PRIM2: variants seen among roughly 807,000 people sequenced by gnomAD.
PRIM2 encodes DNA primase subunit 2.
In PRIM2, 39 loss-of-function variants were observed where a neutral mutation model predicts 67.3. That is an observed-to-expected ratio of 0.58 (90% CI 0.45 to 0.76). The LOEUF (loss-of-function observed/expected upper bound fraction) is 0.76. PRIM2 is among the 30% of genes least tolerant of loss of function. The pLI, the probability that PRIM2 is intolerant of heterozygous loss-of-function variation, is 0.00. For missense variants in PRIM2, 398 were observed against 598.7 expected (o/e 0.66, Z 3.50); for synonymous variants, 143 against 198.7 (o/e 0.72, Z 2.36).
chr6:57,304,653 C>T, the PRIM2 span, among the ~76,000 whole-genome samples: 1 of 152,056 alleles, frequency 6.6e-6, no homozygotes, highest in Non-Finnish European at 1.5e-5. Context: ...GGGAAAGGAC[C>T]CCTTCCCTCT....
chr6:57,337,230 A>G (rs1380686824), intron 5 of PRIM2, among the ~76,000 whole-genome samples: 1 of 151,900 alleles, frequency 6.6e-6, no homozygotes, highest in Non-Finnish European at 1.5e-5. Flanking sequence ...GTGACCTACA[A>G]AGAGACTTAG....
intron 10 of PRIM2, among the ~76,000 whole-genome samples, chr6:57,582,313 C>T (rs1776102616): frequency 6.6e-6 from 1 of 152,134 alleles, no homozygotes; most frequent in African/African-American, 2.4e-5. Context: ...GTTTAATAAG[C>T]AATGGCGTGT....
At chr6:57,365,815 TG>T (rs2127317944) in intron 5 of PRIM2, among the ~76,000 whole-genome samples, 1 of 152,086 alleles carries the variant, frequency 6.6e-6, no homozygotes, top group East Asian at 1.9e-4. Flanking sequence ...AAAAATCAGC[TG>T]GGCATGGTGG....
intron 7 of PRIM2, among the ~76,000 whole-genome samples, chr6:57,414,969 T>C (rs1205629133): frequency 1.3e-5 from 2 of 152,202 alleles, no homozygotes; most frequent in Non-Finnish European, 2.9e-5. Context: ...AACTTGTTAT[T>C]TGTAGAATAT....
chr6:57,622,055 A>G (rs1456749597), intron 12 of PRIM2, among the ~76,000 whole-genome samples: 1 of 151,950 alleles, frequency 6.6e-6, no homozygotes, highest in African/African-American at 2.4e-5. Context: ...GGTTCAAGCA[A>G]TTTTCCTGCC....
At chr6:57,549,474 T>C (rs1356117864) in intron 10 of PRIM2, among the ~76,000 whole-genome samples, 59,103 of 151,660 alleles carry the variant, frequency 0.39, 11,779 homozygotes, top group East Asian at 0.65. Flanking sequence ...ATGTAAACTT[T>C]AGAGAACACA....
Position 57,318,428 on chromosome 6 carries a change from C to A in PRIM2, c.-9-9C>A. On this transcript the variant is annotated splice_polypyrimidine_tract_variant and intron_variant, in intron 1 of 13. Transcript: ENST00000615550. The stretch of plus-strand genomic sequence containing the variant: ...ATCATTTTACGCTTTTTGTGTACTT[C>A]CTTCTAAGGTGACCAAGATGGAGTT... The A allele has an allele frequency of 6.3e-7, 1 of 1,576,076 alleles. No individual in the cohort carries two copies. The highest frequency in any genetic ancestry group is 8.6e-7 in the Non-Finnish European group (1 of 1,163,188).
chr6:57,228,411 G>T, the PRIM2 span, among the ~76,000 whole-genome samples: 1 of 152,202 alleles, frequency 6.6e-6, no homozygotes, highest in Non-Finnish European at 1.5e-5. Context: ...AGGACTAGAT[G>T]TCTCCTTGTT....
intron 7 of PRIM2, among the ~76,000 whole-genome samples, chr6:57,495,877 G>A (rs1334737047): frequency 1.3e-5 from 2 of 152,098 alleles, no homozygotes; most frequent in Non-Finnish European, 2.9e-5. Flanking sequence ...TCAAGTAGCT[G>A]GGATTACAGG....
At chr6:57,278,197 G>C in the PRIM2 span, among the ~76,000 whole-genome samples, 1 of 151,482 alleles carries the variant, frequency 6.6e-6, no homozygotes, top group Non-Finnish European at 1.5e-5. Flanking sequence ...TGTGGTAGTG[G>C]GTGCCTGTAA....
the PRIM2 span, among the ~76,000 whole-genome samples, chr6:57,309,365 C>T: frequency 6.9e-6 from 1 of 144,394 alleles, no homozygotes. Flanking sequence ...TGTTCAATTC[C>T]CACCTATGAG....
chr6:57,278,117 G>T, the PRIM2 span, among the ~76,000 whole-genome samples: 1 of 151,182 alleles, frequency 6.6e-6, no homozygotes, highest in Non-Finnish European at 1.5e-5. Flanking sequence ...ACTTCAAGTT[G>T]AGAGTTTGAG....
chr6:57,312,248 C>T (rs574446833), upstream of PRIM2, among the ~76,000 whole-genome samples: 1 of 152,032 alleles, frequency 6.6e-6, no homozygotes, highest in South Asian at 2.1e-4. Flanking sequence ...TGCCTGTAAT[C>T]TTAGCACTTT....
At chr6:57,383,254 T>C (rs1770021977) in intron 7 of PRIM2, 1 of 152,014 alleles carries the variant, frequency 6.6e-6, no homozygotes, top group Admixed American at 6.6e-5. Context: ...CATTGCTCTT[T>C]TATTATTCTT....
chr6:57,345,306 C>T (rs1170772798), intron 5 of PRIM2, among the ~76,000 whole-genome samples: 7 of 151,968 alleles, frequency 4.6e-5, no homozygotes, highest in East Asian at 3.9e-4. Flanking sequence ...TGCAGGCATG[C>T]GCCACCAGGC....
At chr6:57,276,845 C>T in the PRIM2 span, among the ~76,000 whole-genome samples, 5 of 150,002 alleles carry the variant, frequency 3.3e-5, no homozygotes, top group South Asian at 8.5e-4. Context: ...ACCAGGGTTG[C>T]GCCACTGCAC....
Position 57,396,102 on chromosome 6 carries a change from T to C in PRIM2, c.693+13934T>C, listed in dbSNP as rs1581860844. ...ATAGTCTATCTTGGAGAAGGTTCTA[T>C]GTGCTATTGAATAGAATGTGTATTC... On this transcript the variant is annotated intron_variant, in intron 7 of 13. Transcript: ENST00000615550. Among the ~76,000 whole-genome samples, 5 of 152,358 alleles carry C rather than the reference T, an allele frequency of 3.3e-5. No individual in the cohort carries two copies. The East Asian group carries it at 9.6e-4, about 29-fold the overall frequency.
intron 8 of PRIM2, among the ~76,000 whole-genome samples, chr6:57,518,555 T>G: frequency 6.6e-6 from 1 of 152,240 alleles, no homozygotes; most frequent in South Asian, 2.1e-4. Context: ...CTTGAATGAA[T>G]GAATAAATGA....
Position 57,540,218 on chromosome 6 carries a change from C to T in PRIM2, c.1020+2593C>T, listed in dbSNP as rs1388304214. Among the ~76,000 whole-genome samples the T allele has an allele frequency of 1.4e-3, 212 of 152,214 alleles. 5 individuals are homozygous for T. In the East Asian group the frequency reaches 0.019, roughly 14 times the overall value. On this transcript the variant is annotated intron_variant, in intron 10 of 13. Coordinates refer to ENST00000615550, the MANE Select transcript of PRIM2 (RefSeq NM_000947.5). ...ATTAGGGTTCTCCACAGAAATGGAA[C>T]TGTGTGTCTGTCTGTCTTTCTGTCA...
Sources: gnomAD v4.1 joint callset for allele counts (sites outside exome capture counted in the v4.1 genomes callset) on GRCh38, gnomAD v4.1.1 for gene constraint, MANE v1.5 for transcripts, NCBI Gene and HGNC (gene_info 2026-07-23, HGNC 2026-07-21) for gene names.